FARP1: variants seen among roughly 807,000 people sequenced by gnomAD.
FARP1 encodes FERM, ARH/RhoGEF and pleckstrin domain protein 1, also known as FERM, ARHGEF and pleckstrin domain-containing protein 1.
In FARP1, 52 loss-of-function variants were observed where a neutral mutation model predicts 128.8. That is an observed-to-expected ratio of 0.40 (90% CI 0.32 to 0.51). The LOEUF (loss-of-function observed/expected upper bound fraction) is 0.51, where lower values mean the gene tolerates loss of function less well. FARP1 is among the 20% of genes least tolerant of loss of function. FARP1 has a pLI of 0.45. For missense variants in FARP1, 1,333 were observed against 1,367.9 expected, an observed-to-expected ratio of 0.97 and a Z score of 0.40; for synonymous variants, 580 against 551.8, an observed-to-expected ratio of 1.05 and a Z score of -0.72.
chr13:98,179,313 G>A (rs1878336251), intron 1 of FARP1, among the ~76,000 whole-genome samples: 1 of 152,148 alleles, frequency 6.6e-6, no homozygotes, highest in Non-Finnish European at 1.5e-5. Flanking sequence ...GGGGGAAACT[G>A]CCCCCATGAT....
chr13:98,176,094 G>A lies in FARP1; in HGVS notation c.-24+32602G>A. On this transcript the variant is annotated intron_variant, in intron 1 of 26. Coordinates refer to ENST00000319562, the MANE Select transcript of FARP1 (RefSeq NM_005766.4). This position sits in a 1 kb window ranked among gnomAD's most constrained non-coding sequence, Gnocchi z 6.2. ...ATACTCAGGCATGGGATTGCAGGAA[G>A]ACTGTCATCTCTCTCATCTTACTCA... 1 of 1,338,824 alleles carries A rather than the reference G, an allele frequency of 7.5e-7. No homozygotes were observed. The highest frequency in any genetic ancestry group is 1.2e-5 in the South Asian group (1 of 81,448). 82.9% of individuals were successfully genotyped at this position (1,338,824 alleles called of 1,614,324 possible).
intron 2 of FARP1, among the ~76,000 whole-genome samples, chr13:98,231,064 C>T (rs1882083062): frequency 6.6e-6 from 1 of 152,088 alleles, no homozygotes; most frequent in Admixed American, 6.5e-5. Context: ...CTGCCCCCCC[C>T]ATAATTCAGT....
At chr13:98,155,757 T>C (rs1876459725) in intron 1 of FARP1, among the ~76,000 whole-genome samples, 1 of 152,094 alleles carries the variant, frequency 6.6e-6, no homozygotes, top group Non-Finnish European at 1.5e-5. Flanking sequence ...TGAGCTCAAG[T>C]GGTCATCTGC....
intron 2 of FARP1, among the ~76,000 whole-genome samples, chr13:98,309,438 G>GGATT (rs768470110): frequency 1.9e-4 from 29 of 151,656 alleles, no homozygotes; most frequent in Non-Finnish European, 3.7e-4. Context: ...CAAAGTGCTG[G>GGATT]GATTACAAGC....
At chr13:98,210,828 C>T (rs1323202696) in intron 1 of FARP1, among the ~76,000 whole-genome samples, 1 of 152,210 alleles carries the variant, frequency 6.6e-6, no homozygotes, top group Admixed American at 6.5e-5. Flanking sequence ...GGATTACAGG[C>T]GTGAGCCACC....
chr13:98,422,393 AAG>A (rs1217572116), intron 16 of FARP1, among the ~76,000 whole-genome samples: 7 of 152,174 alleles, frequency 4.6e-5, no homozygotes, highest in Non-Finnish European at 1.0e-4. Context: ...TAAAGCAGCT[AAG>A]AGAACGCAGA....
intron 18 of FARP1, chr13:98,431,997 A>G (rs1412502470): frequency 6.6e-6 from 1 of 152,172 alleles, no homozygotes; most frequent in Admixed American, 6.5e-5. Context: ...GCTCATTGCT[A>G]CCGGTCATTT....
intron 2 of FARP1, among the ~76,000 whole-genome samples, chr13:98,283,566 C>G (rs556257466): frequency 6.6e-6 from 1 of 152,190 alleles, no homozygotes; most frequent in South Asian, 2.1e-4. Flanking sequence ...TTTTTTTCAT[C>G]TGAGAAAAAT....
chr13:98,274,309 A>G (rs1397772847), intron 2 of FARP1, among the ~76,000 whole-genome samples: 1 of 152,114 alleles, frequency 6.6e-6, no homozygotes, highest in Non-Finnish European at 1.5e-5. Flanking sequence ...TGGTTTAGAA[A>G]AGGCAGCGCG....
Position 98,453,274 on chromosome 13 carries a change from A to G in FARP1, c.*4957A>G, listed in dbSNP as rs1391071956. 2 of 1,512,686 alleles carry G rather than the reference A, an allele frequency of 1.3e-6. No homozygotes were observed. The highest frequency in any genetic ancestry group is 2.3e-5 in the East Asian group (1 of 43,506). 93.7% of individuals were successfully genotyped at this position (1,512,686 alleles called of 1,614,324 possible). A position where few individuals can be genotyped will look rare whatever the true frequency, so the allele number is the denominator to read the frequency against. On this transcript the variant is annotated 3_prime_UTR_variant, in exon 27 of 27. Transcript: ENST00000319562. ...TTCTCATCCCTGTGCAAAAATTCATATAGTAACCAAAATCTTAGTTTTCAT... is the reference window on the plus strand; with the variant it reads ...TTCTCATCCCTGTGCAAAAATTCATGTAGTAACCAAAATCTTAGTTTTCAT...
chr13:98,232,144 G>GTTTTTTTTTTTTTTTTTTTTTTTTTTTT lies in FARP1; in HGVS notation c.171+18731_171+18732insTTTTTTTTTTTTTTTTTTTTTTTTTTTT, dbSNP rs1555329634. ...CGTGCCCGGCTTTTTTTGTTTGGTTGGTTTTTTTTTTTTTTTTTTTTTGCT... is the reference window on the plus strand; with the variant it reads ...CGTGCCCGGCTTTTTTTGTTTGGTTGTTTTTTTTTTTTTTTTTTTTTTTTTTTTGTTTTTTTTTTTTTTTTTTTTTGCT... On this transcript the variant is annotated intron_variant, in intron 2 of 26. Transcript: ENST00000319562. Among the ~76,000 whole-genome samples the GTTTTTTTTTTTTTTTTTTTTTTTTTTTT allele has an allele frequency of 2.1e-4, 23 of 111,682 alleles. 1 individual carries two copies. The highest frequency in any genetic ancestry group is 3.0e-4 in the African/African-American group (7 of 23,598). The allele number at this position is 111,682 out of a possible 152,430, so 73.3% of individuals were successfully genotyped here.
chr13:98,210,709 C>A (rs1350333528), intron 1 of FARP1, among the ~76,000 whole-genome samples: 1 of 152,138 alleles, frequency 6.6e-6, no homozygotes, highest in Non-Finnish European at 1.5e-5. Flanking sequence ...GCCACCACGC[C>A]TGGCTAATTT....
chr13:98,440,873 T>TGCTGGGTTCTGC, intron 24 of FARP1, 37 bp downstream of exon 24: 4 of 1,554,046 alleles, frequency 2.6e-6, no homozygotes, highest in Non-Finnish European at 3.5e-6. Flanking sequence ...TCCCAGCTTG[T>TGCTGGGTTCTGC]GCTGGCCCAG....
At chr13:98,357,326 TG>T (rs1327142444) in intron 3 of FARP1, among the ~76,000 whole-genome samples, 2 of 152,234 alleles carry the variant, frequency 1.3e-5, no homozygotes, top group Non-Finnish European at 2.9e-5. Flanking sequence ...TTATATCCTT[TG>T]TTGTTATCCT....
intron 17 of FARP1, among the ~76,000 whole-genome samples, chr13:98,426,355 T>C (rs1288203623): frequency 5.9e-5 from 9 of 152,088 alleles, no homozygotes; most frequent in Admixed American, 5.9e-4. Flanking sequence ...CTAAGAGTGA[T>C]GGTAAGTGCC....
chr13:98,376,467 T>A (rs1889589087), intron 5 of FARP1, among the ~76,000 whole-genome samples: 1 of 152,254 alleles, frequency 6.6e-6, no homozygotes, highest in Non-Finnish European at 1.5e-5. Context: ...TGTTTATGGC[T>A]GAATAGTAAT....
intron 1 of FARP1, among the ~76,000 whole-genome samples, chr13:98,197,466 C>CA (rs981101245): frequency 6.6e-6 from 1 of 150,604 alleles, no homozygotes; most frequent in Non-Finnish European, 1.5e-5. Flanking sequence ...AACTCCATCT[C>CA]AAAAAAAAGA....
intron 2 of FARP1, among the ~76,000 whole-genome samples, chr13:98,248,860 T>C (rs1488299253): frequency 6.6e-6 from 1 of 152,016 alleles, no homozygotes; most frequent in Non-Finnish European, 1.5e-5. Flanking sequence ...TGAAGTGTAG[T>C]GCTAGAAGCA....
intron 2 of FARP1, among the ~76,000 whole-genome samples, chr13:98,258,668 A>G (rs1322761120): frequency 6.6e-6 from 1 of 152,100 alleles, no homozygotes; most frequent in Non-Finnish European, 1.5e-5. Context: ...AACCTGGGCA[A>G]CATAGAGAGA....
Sources: gnomAD v4.1 joint callset for allele counts (sites outside exome capture counted in the v4.1 genomes callset) on GRCh38, gnomAD v4.1.1 for gene constraint, Gnocchi (gnomAD v3.1) non-coding constraint, MANE v1.5 for transcripts, NCBI Gene and HGNC (gene_info 2026-07-23, HGNC 2026-07-21) for gene names.